SDHAF3: variants seen among roughly 807,000 people sequenced by gnomAD.
SDHAF3 encodes succinate dehydrogenase assembly factor 3, mitochondrial.
Under a neutral mutation model 11.5 loss-of-function variants are expected in SDHAF3, and 18 were observed. The observed-to-expected ratio is 1.56, with a 90% CI of 1.08 to 2.32. SDHAF3 has a LOEUF of 2.32. SDHAF3 is among the 30% of genes most tolerant of loss of function. The pLI, the probability that SDHAF3 is intolerant of heterozygous loss-of-function variation, is 0.00. For synonymous variants in SDHAF3, 72 were observed against 59.3 expected (o/e 1.21, Z -0.99); for missense variants, 200 against 154.4 (o/e 1.30, Z -1.57).
At chr7:97,177,772 G>C (rs1789703140) in intron 1 of SDHAF3, among the ~76,000 whole-genome samples, 1 of 151,992 alleles carries the variant, frequency 6.6e-6, no homozygotes, top group Non-Finnish European at 1.5e-5. Flanking sequence ...GAATTTATTT[G>C]GTTCTTATAA....
intron 1 of SDHAF3, among the ~76,000 whole-genome samples, chr7:97,146,942 C>T (rs1052356410): frequency 1.3e-5 from 2 of 152,112 alleles, no homozygotes; most frequent in South Asian, 2.1e-4. Flanking sequence ...GGGGTTTCAC[C>T]GTGTTAGCCA....
intron 1 of SDHAF3, among the ~76,000 whole-genome samples, chr7:97,118,598 C>T (rs1791445850): frequency 6.8e-6 from 1 of 146,030 alleles, no homozygotes; most frequent in South Asian, 2.2e-4. Context: ...CAGAGTATTT[C>T]GTGGGGCTCG....
intron 1 of SDHAF3, among the ~76,000 whole-genome samples, chr7:97,148,577 T>G (rs1789170783): frequency 6.6e-6 from 1 of 152,200 alleles, no homozygotes; most frequent in Admixed American, 6.5e-5. Context: ...GTAGTTTTAC[T>G]TTGACTCCAT....
chr7:97,148,908 T>A (rs1789175364), intron 1 of SDHAF3, among the ~76,000 whole-genome samples: 1 of 151,848 alleles, frequency 6.6e-6, no homozygotes, highest in Admixed American at 6.6e-5. Context: ...TAGATTCTGA[T>A]GCACAATCAG....
intron 1 of SDHAF3, among the ~76,000 whole-genome samples, chr7:97,130,038 G>A (rs545208263): frequency 1.1e-4 from 17 of 152,236 alleles, no homozygotes; most frequent in African/African-American, 3.6e-4. Flanking sequence ...AGTGGAGCCC[G>A]AAAACTTGGA....
chr7:97,158,468 C>T (rs1021401852), intron 1 of SDHAF3, among the ~76,000 whole-genome samples: 1 of 152,208 alleles, frequency 6.6e-6, no homozygotes, highest in African/African-American at 2.4e-5. Flanking sequence ...GCTAGGATTA[C>T]AGGTGCCTGC....
intron 1 of SDHAF3, among the ~76,000 whole-genome samples, chr7:97,139,754 T>C (rs985361857): frequency 6.6e-6 from 1 of 152,172 alleles, no homozygotes. Flanking sequence ...GAAAACAAAT[T>C]TTGTAATTTT....
At chr7:97,161,738 A>G (rs1284722074) in intron 1 of SDHAF3, among the ~76,000 whole-genome samples, 1 of 152,150 alleles carries the variant, frequency 6.6e-6, no homozygotes, top group Non-Finnish European at 1.5e-5. Context: ...TTCCAGCTTC[A>G]TCCATGCCCC....
chr7:97,121,257 C>G (rs928653830), intron 1 of SDHAF3, among the ~76,000 whole-genome samples: 18 of 152,226 alleles, frequency 1.2e-4, no homozygotes, highest in Non-Finnish European at 1.0e-4. Flanking sequence ...ATTTTTCTCT[C>G]TGTGCCTACC....
chr7:97,117,813 G>A lies in SDHAF3; in HGVS notation c.90G>A (p.Leu30=). The change falls in exon 1 of 2, where the codon CTG becomes CTA. Residue 30 remains leucine (L), a synonymous_variant. Transcript: ENST00000432641. ...TTCTGCCCCCGGACCTCAAATCCCT[G>A]GGCGACCAGTACGTGAAAGACGAAT... is the stretch of plus-strand genomic sequence containing the variant. The part of the protein sequence containing the change: ...HRVLPPDLKS[L]GDQYVKDEFR... The A allele has an allele frequency of 1.2e-6, 2 of 1,614,162 alleles. No homozygotes were observed. Among genetic ancestry groups the A allele is most frequent in the Non-Finnish European group, 1.7e-6 (2 of 1,180,028 alleles).
chr7:97,167,177 G>GTGGGAGGTGAC (rs1789519732), intron 1 of SDHAF3, among the ~76,000 whole-genome samples: 1 of 152,108 alleles, frequency 6.6e-6, no homozygotes, highest in Admixed American at 6.5e-5. Flanking sequence ...GAGGGGCCTG[G>GTGGGAGGTGAC]TGGGAGGTGA....
chr7:97,132,531 T>A (rs960002903), intron 1 of SDHAF3, among the ~76,000 whole-genome samples: 2 of 152,210 alleles, frequency 1.3e-5, no homozygotes, highest in Non-Finnish European at 2.9e-5. Flanking sequence ...TGAATAATCT[T>A]ATGTTTAATT....
chr7:97,141,144 C>A (rs1178974563), intron 1 of SDHAF3, among the ~76,000 whole-genome samples: 1 of 152,146 alleles, frequency 6.6e-6, no homozygotes, highest in Non-Finnish European at 1.5e-5. Context: ...GAAATTCCCA[C>A]CTAATAAATT....
chr7:97,122,276 G>T (rs1246856628), intron 1 of SDHAF3, among the ~76,000 whole-genome samples: 2 of 152,186 alleles, frequency 1.3e-5, no homozygotes, highest in African/African-American at 4.8e-5. Flanking sequence ...TCTGCTAAGG[G>T]TTTTAAGTTT....
At chr7:97,136,969 T>C (rs1788931698) in intron 1 of SDHAF3, among the ~76,000 whole-genome samples, 1 of 152,184 alleles carries the variant, frequency 6.6e-6, no homozygotes, top group Non-Finnish European at 1.5e-5. Flanking sequence ...GTGATTCCTA[T>C]TGTGTAATAT....
intron 1 of SDHAF3, among the ~76,000 whole-genome samples, chr7:97,178,444 G>C (rs529695543): frequency 2.9e-4 from 44 of 152,294 alleles, no homozygotes; most frequent in African/African-American, 1.1e-3. Flanking sequence ...CTGAGGAACT[G>C]CCAGTCTTTT....
intron 1 of SDHAF3, among the ~76,000 whole-genome samples, chr7:97,141,657 C>T (rs1315776633): frequency 6.6e-6 from 1 of 152,078 alleles, no homozygotes; most frequent in African/African-American, 2.4e-5. Flanking sequence ...TCACACCTGG[C>T]AATTTTTTTG....
chr7:97,154,092 G>C (rs1789267621), intron 1 of SDHAF3, among the ~76,000 whole-genome samples: 1 of 152,002 alleles, frequency 6.6e-6, no homozygotes, highest in African/African-American at 2.4e-5. Context: ...GGAGTTAGGA[G>C]CAATGTTTTG....
rs1226537504 is a variant in SDHAF3, at chr7:97,181,246, A to G, written c.*31A>G. 1 of 1,525,070 alleles carries G rather than the reference A, an allele frequency of 6.6e-7. No homozygotes were observed. Among genetic ancestry groups the G allele is most frequent in the Admixed American group, 2.1e-5 (1 of 48,028 alleles). The allele number at this position is 1,525,070 out of a possible 1,614,324, so 94.5% of individuals were successfully genotyped here. The stretch of plus-strand genomic sequence containing the variant: ...ACAACAAAGCTTAATAAGACATGCA[A>G]AAATTTAGAACCCCTACTTTAACTG... On this transcript the variant is annotated 3_prime_UTR_variant, in exon 2 of 2. Coordinates refer to ENST00000432641, the MANE Select transcript of SDHAF3 (RefSeq NM_020186.3).
Sources: gnomAD v4.1 joint callset for allele counts (sites outside exome capture counted in the v4.1 genomes callset) on GRCh38, gnomAD v4.1.1 for gene constraint, MANE v1.5 for transcripts, NCBI Gene and HGNC (gene_info 2026-07-23, HGNC 2026-07-21) for gene names.